COL4A6: variants seen among roughly 807,000 people sequenced by gnomAD.
COL4A6 encodes collagen alpha-6(IV) chain.
Under a neutral mutation model 126.7 loss-of-function variants are expected in COL4A6, and 59 were observed. The observed-to-expected ratio is 0.47, with a 90% CI of 0.38 to 0.58. COL4A6 has a LOEUF of 0.58. COL4A6 is among the 20% of genes least tolerant of loss of function. The pLI is 0.00. For synonymous variants in COL4A6, 547 were observed against 496.6 expected (o/e 1.10, Z -1.35); for missense variants, 1,285 against 1,337.3 (o/e 0.96, Z 0.61).
chrX:108,255,185 C>CAA (rs34052577), intron 3 of COL4A6, among the ~76,000 whole-genome samples: 21 of 31,556 alleles, frequency 6.7e-4, no homozygotes, highest in African/African-American at 1.2e-3. Flanking sequence ...CCACAGGGGG[C>CAA]AAAAAAAAAA....
At chrX:108,246,821 C>T (rs1602917184) in intron 3 of COL4A6, among the ~76,000 whole-genome samples, 3 of 110,735 alleles carry the variant, frequency 2.7e-5, no homozygotes, top group Admixed American at 9.6e-5. Flanking sequence ...CTTTGGCTTC[C>T]GCAGTGAGAG....
intron 2 of COL4A6, among the ~76,000 whole-genome samples, chrX:108,364,492 T>G (rs748018991): frequency 1.8e-5 from 2 of 111,447 alleles, no homozygotes; most frequent in Non-Finnish European, 3.8e-5. Flanking sequence ...ATGGATATAT[T>G]GCAGAGTGGT....
chrX:108,219,698 C>A lies in COL4A6; in HGVS notation c.324G>T (p.Pro108=). The change falls in exon 5 of 45, where the codon CCG becomes CCT. Residue 108 remains proline (P), a splice_region_variant and synonymous_variant. Transcript: ENST00000334504. ...AAAATTCATCTGTGGACACACTCAC[C>A]GGAATCCCATTGATGCCAAGAAAGC... ...VPGFLGINGI[P]GHPGQPGPRG... is the part of the protein sequence containing the mutation. The A allele has an allele frequency of 8.3e-7, 1 of 1,207,440 alleles. No individual in the cohort carries two copies. The highest frequency in any genetic ancestry group is 2.2e-5 in the Admixed American group (1 of 45,979).
intron 40 of COL4A6, chrX:108,163,315 C>A (rs962002846): frequency 1.5e-5 from 4 of 270,583 alleles, no homozygotes; most frequent in Non-Finnish European, 2.5e-5. Flanking sequence ...GACAGGCAGT[C>A]CAGAAGCATT....
chrX:108,369,613 G>A (rs1217269419), intron 2 of COL4A6, among the ~76,000 whole-genome samples: 3 of 111,911 alleles, frequency 2.7e-5, no homozygotes, highest in Non-Finnish European at 5.6e-5. Flanking sequence ...AAACATACAG[G>A]TGGGACCTCT....
At chrX:108,273,531 C>T (rs1385065787) in intron 3 of COL4A6, among the ~76,000 whole-genome samples, 3 of 112,022 alleles carry the variant, frequency 2.7e-5, no homozygotes, top group South Asian at 3.8e-4. Context: ...CACATGCACA[C>T]GTATGTTTAT....
At chrX:108,389,825 G>T (rs764503417) in intron 2 of COL4A6, among the ~76,000 whole-genome samples, 1 of 111,462 alleles carries the variant, frequency 9.0e-6, no homozygotes, top group Non-Finnish European at 1.9e-5. Context: ...TCACAGCGTC[G>T]ATGGTCTTTA....
intron 23 of COL4A6, among the ~76,000 whole-genome samples, chrX:108,186,588 A>T (rs962848086): frequency 8.9e-6 from 1 of 111,891 alleles, no homozygotes; most frequent in Non-Finnish European, 1.9e-5. Context: ...TCAAGTAGAA[A>T]AAGAAGTTAT....
chrX:108,209,409 G>A (rs146010239), intron 8 of COL4A6, among the ~76,000 whole-genome samples: 165 of 111,496 alleles, frequency 1.5e-3, no homozygotes, highest in East Asian at 0.014. Flanking sequence ...AAGATAGAGC[G>A]AAGAAAGAAA....
At chrX:108,283,171 TA>T (rs953182470) in intron 3 of COL4A6, among the ~76,000 whole-genome samples, 2 of 109,512 alleles carry the variant, frequency 1.8e-5, no homozygotes, top group South Asian at 3.9e-4. Context: ...AATAAAAAAA[TA>T]AAAAAAAGAA....
At chrX:108,371,472 A>T (rs1280064462) in intron 2 of COL4A6, among the ~76,000 whole-genome samples, 1 of 109,528 alleles carries the variant, frequency 9.1e-6, no homozygotes, top group African/African-American at 3.3e-5. Context: ...TTATTAAAAC[A>T]TTAAAAAAAT....
intron 2 of COL4A6, among the ~76,000 whole-genome samples, chrX:108,410,109 A>G (rs769558558): frequency 4.5e-5 from 5 of 111,866 alleles, no homozygotes; most frequent in Non-Finnish European, 7.5e-5. Context: ...TCTCCAGAGT[A>G]GTGCCAAAAG....
At chrX:108,408,984 T>A (rs2148232944) in intron 2 of COL4A6, among the ~76,000 whole-genome samples, 1 of 112,071 alleles carries the variant, frequency 8.9e-6, no homozygotes, top group African/African-American at 3.2e-5. Flanking sequence ...AAATAAAATA[T>A]TACTTTCATA....
Position 108,438,332 on chromosome X carries a change from G to A in COL4A6, c.-136C>T. ...GTAGGTGGACGAAGTGGCCCAGTTT[G>A]GAAGAAACTAAACACTGCTTCTAGA... is the stretch of plus-strand genomic sequence containing the variant. On this transcript the variant is annotated 5_prime_UTR_variant, in exon 1 of 45. Coordinates refer to ENST00000334504, the MANE Select transcript of COL4A6 (RefSeq NM_033641.4). 1.8e-6 allele frequency: 2 copies of A among 1,086,565 alleles called. No individual in the cohort carries two copies. Among genetic ancestry groups the A allele is most frequent in the South Asian group, 5.1e-5 (2 of 39,048 alleles). 89.5% of individuals were successfully genotyped at this position (1,086,565 alleles called of 1,213,427 possible).
intron 2 of COL4A6, among the ~76,000 whole-genome samples, chrX:108,390,239 G>A (rs780175537): frequency 2.6e-4 from 29 of 110,502 alleles, no homozygotes; most frequent in Non-Finnish European, 4.5e-4. Context: ...GTATTTTTGT[G>A]GTGTTCTCTG....
chrX:108,428,775 A>G (rs2064129739), intron 2 of COL4A6, among the ~76,000 whole-genome samples: 1 of 111,929 alleles, frequency 8.9e-6, no homozygotes, highest in African/African-American at 3.2e-5. Context: ...TTAAAATCCA[A>G]AAGGAATTTC....
At chrX:108,212,882 C>T (rs939447602) in intron 6 of COL4A6, among the ~76,000 whole-genome samples, 2 of 111,750 alleles carry the variant, frequency 1.8e-5, no homozygotes, top group Admixed American at 9.5e-5. Flanking sequence ...TATTTATTAC[C>T]TCAACATTTA....
At chrX:108,359,262 G>C (rs1258665463) in intron 2 of COL4A6, among the ~76,000 whole-genome samples, 1 of 112,140 alleles carries the variant, frequency 8.9e-6, no homozygotes, top group African/African-American at 3.2e-5. Context: ...TTATAAATTA[G>C]ACAATTGAGG....
At chrX:108,420,766 T>C (rs2063969682) in intron 2 of COL4A6, among the ~76,000 whole-genome samples, 1 of 111,855 alleles carries the variant, frequency 8.9e-6, no homozygotes, top group South Asian at 3.8e-4. Flanking sequence ...TGATTAAAAG[T>C]CATATGGCTC....
Sources: gnomAD v4.1 joint callset for allele counts (sites outside exome capture counted in the v4.1 genomes callset) on GRCh38, gnomAD v4.1.1 for gene constraint, MANE v1.5 for transcripts, NCBI Gene and HGNC (gene_info 2026-07-23, HGNC 2026-07-21) for gene names.